RBMS3: variants seen among roughly 807,000 people sequenced by gnomAD.
The protein encoded by RBMS3 is RNA binding motif single stranded interacting protein 3.
In RBMS3, 27 loss-of-function variants were observed where a neutral mutation model predicts 66.8. That is an observed-to-expected ratio of 0.40 (90% confidence interval 0.30 to 0.56). The LOEUF (loss-of-function observed/expected upper bound fraction) is 0.56. Among genes scored for constraint, RBMS3 ranks in the 20% least tolerant of loss-of-function variants. The probability of loss-of-function intolerance (pLI) is 0.40; values close to 1 mark genes in which losing one functional copy is unlikely to be tolerated. For synonymous variants in RBMS3, 188 were observed against 183.0 expected (o/e 1.03, Z -0.22); for missense variants, 513 against 549.5 (o/e 0.93, Z 0.66).
chr3:29,337,049 T>C (rs1260444239), intron 1 of RBMS3, among the ~76,000 whole-genome samples: 1 of 152,120 alleles, frequency 6.6e-6, no homozygotes, highest in Non-Finnish European at 1.5e-5. Flanking sequence ...TAAAATTAAC[T>C]CTAGAGTATT....
At chr3:29,996,248 G>A (rs1577350393) in intron 14 of RBMS3, among the ~76,000 whole-genome samples, 1 of 151,704 alleles carries the variant, frequency 6.6e-6, no homozygotes, top group Middle Eastern at 3.4e-3. Flanking sequence ...CCCAATACAG[G>A]AGCACCAAGA....
At chr3:29,989,362 A>T (rs543764763) in intron 13 of RBMS3, among the ~76,000 whole-genome samples, 12 of 152,124 alleles carry the variant, frequency 7.9e-5, no homozygotes, top group Non-Finnish European at 1.6e-4. Context: ...GGTTCTAGCC[A>T]TTACTGTTTT....
chr3:29,456,265 G>T (rs1197707710), intron 2 of RBMS3, among the ~76,000 whole-genome samples: 3 of 152,094 alleles, frequency 2.0e-5, no homozygotes, highest in Non-Finnish European at 4.4e-5. Context: ...TTTATCTTGA[G>T]TGTTTAATTC....
chr3:29,922,655 T>A (rs2060823598), intron 10 of RBMS3, among the ~76,000 whole-genome samples: 1 of 152,168 alleles, frequency 6.6e-6, no homozygotes, highest in South Asian at 2.1e-4. Context: ...TATACTATAA[T>A]TTGAGTACCC....
At chr3:29,383,538 T>C (rs1182166960) in intron 1 of RBMS3, among the ~76,000 whole-genome samples, 1 of 152,184 alleles carries the variant, frequency 6.6e-6, no homozygotes, top group Non-Finnish European at 1.5e-5. Context: ...TAGTTAAGTT[T>C]ATTGTGGTTC....
At chr3:29,854,418 T>G (rs905751912) in intron 6 of RBMS3, among the ~76,000 whole-genome samples, 1 of 152,214 alleles carries the variant, frequency 6.6e-6, no homozygotes, top group African/African-American at 2.4e-5. Context: ...ATAAAGCCAG[T>G]TTCTTCAGAA....
At chr3:29,634,163 A>T (rs1337714323) in intron 4 of RBMS3, among the ~76,000 whole-genome samples, 1 of 151,916 alleles carries the variant, frequency 6.6e-6, no homozygotes, top group African/African-American at 2.4e-5. Context: ...AGATACATTC[A>T]TTCCTTGATG....
intron 6 of RBMS3, among the ~76,000 whole-genome samples, chr3:29,863,690 A>G (rs1219533046): frequency 1.3e-5 from 2 of 152,132 alleles, no homozygotes; most frequent in Non-Finnish European, 2.9e-5. Context: ...ATCTCACCCT[A>G]TGACTTTTAA....
At chr3:29,614,445 G>T (rs2149138847) in intron 4 of RBMS3, 1 of 152,234 alleles carries the variant, frequency 6.6e-6, no homozygotes, top group South Asian at 2.1e-4. Context: ...CTTGAAAATT[G>T]CTGGAAGAGT....
At chr3:29,541,659 G>A (rs184529824) in intron 3 of RBMS3, among the ~76,000 whole-genome samples, 3 of 152,168 alleles carry the variant, frequency 2.0e-5, no homozygotes, top group East Asian at 1.9e-4. Flanking sequence ...CAACCTAAGG[G>A]GTCATGTCAA....
intron 5 of RBMS3, among the ~76,000 whole-genome samples, chr3:29,754,845 G>A (rs2055334612): frequency 6.6e-6 from 1 of 152,170 alleles, no homozygotes; most frequent in Admixed American, 6.5e-5. Flanking sequence ...ACAAATGCTA[G>A]GAATATGAAG....
At position 29,416,507 on chromosome 3, in the gene RBMS3, C is replaced by T; in HGVS notation, c.76-18236C>T. Among the ~76,000 whole-genome samples the T allele has an allele frequency of 1.3e-5, 2 of 151,382 alleles. 1 individual carries two copies. Among genetic ancestry groups the T allele is most frequent in the East Asian group, 3.9e-4 (2 of 5,124 alleles). On this transcript the variant is annotated intron_variant, in intron 1 of 14. Transcript: ENST00000383767. Reference sequence around the variant, plus strand: ...AAATGCATTTTAATCACAACTGGTCCTTGTCTCTTTTCACACTAGTTTCCC... The same window carrying T: ...AAATGCATTTTAATCACAACTGGTCTTTGTCTCTTTTCACACTAGTTTCCC...
At chr3:29,540,019 C>CT (rs1026389488) in intron 3 of RBMS3, among the ~76,000 whole-genome samples, 24 of 152,000 alleles carry the variant, frequency 1.6e-4, no homozygotes, top group Admixed American at 6.6e-5. Context: ...TATTCTGTTG[C>CT]TTTTTTACTG....
intron 4 of RBMS3, among the ~76,000 whole-genome samples, chr3:29,690,539 T>C (rs9833559): frequency 0.58 from 87,823 of 152,154 alleles, 25,515 homozygotes; most frequent in African/African-American, 0.62. Flanking sequence ...TGTTTCTTTG[T>C]GATAACTTTG....
intron 5 of RBMS3, among the ~76,000 whole-genome samples, chr3:29,741,385 T>A (rs879805596): frequency 6.6e-6 from 1 of 152,222 alleles, no homozygotes; most frequent in Non-Finnish European, 1.5e-5. Context: ...TCTCTGAATT[T>A]AGCCAATGCA....
chr3:29,362,611 C>T (rs1368389676), intron 1 of RBMS3, among the ~76,000 whole-genome samples: 1 of 152,146 alleles, frequency 6.6e-6, no homozygotes, highest in Non-Finnish European at 1.5e-5. Flanking sequence ...TCTTCTGCGT[C>T]ACTCACACTG....
chr3:29,979,157 G>T (rs1055238795), intron 12 of RBMS3, among the ~76,000 whole-genome samples: 1 of 151,036 alleles, frequency 6.6e-6, no homozygotes, highest in Non-Finnish European at 1.5e-5. Flanking sequence ...GAGAAGGAAA[G>T]AAACAACAAC....
In RBMS3 at chr3:29,949,200, T is replaced by C. The variant is rs536665838; in HGVS notation, c.1098+4946T>C. Among the ~76,000 whole-genome samples the C allele has an allele frequency of 7.3e-5, 11 of 151,386 alleles. No individual in the cohort carries two copies. The East Asian group carries it at 1.9e-3, about 27-fold the overall frequency. On this transcript the variant is annotated intron_variant, in intron 12 of 14. Coordinates refer to ENST00000383767, the MANE Select transcript of RBMS3 (RefSeq NM_001003793.3). The stretch of plus-strand genomic sequence containing the variant: ...TATTTAGCCCAGGTTGTTTTTTGGT[T>C]TTTGTTTTGTTTTGTTTTCAGAGGA...
chr3:29,312,630 G>A (rs2034448303), intron 1 of RBMS3, among the ~76,000 whole-genome samples: 1 of 150,616 alleles, frequency 6.6e-6, no homozygotes. Flanking sequence ...GTATCTATAT[G>A]TCTCTGTCTA....
Sources: allele counts gnomAD v4.1 joint callset (sites outside exome capture counted in the v4.1 genomes callset), GRCh38; gene constraint gnomAD v4.1.1; transcripts MANE v1.5; gene names NCBI Gene and HGNC (gene_info 2026-07-23, HGNC 2026-07-21).